CHD6: variants seen among roughly 807,000 people sequenced by gnomAD.
CHD6 encodes ATP-dependent chromatin remodeler CHD6.
In CHD6, 50 loss-of-function variants were observed where a neutral mutation model predicts 276.9. The observed-to-expected ratio is 0.18, with a 90% CI of 0.14 to 0.23. CHD6 has a LOEUF of 0.23. CHD6 is among the 10% of genes least tolerant of loss of function. The pLI is 1.00. For missense variants in CHD6, 2,564 were observed against 3,365.8 expected (o/e 0.76, Z 5.89); for synonymous variants, 1,173 against 1,229.3 (o/e 0.95, Z 0.96).
intron 25 of CHD6, among the ~76,000 whole-genome samples, chr20:41,442,171 G>A (rs1370289584): frequency 6.6e-6 from 1 of 152,106 alleles, no homozygotes; most frequent in Non-Finnish European, 1.5e-5. Context: ...CAGGCATGGT[G>A]GCTCATGCCT....
At chr20:41,526,613 G>C (rs367975161) in intron 3 of CHD6, among the ~76,000 whole-genome samples, 7 of 115,940 alleles carry the variant, frequency 6.0e-5, no homozygotes, top group African/African-American at 3.1e-4. Context: ...ACAGATGAAA[G>C]CGAAAAAAGG....
intron 31 of CHD6, among the ~76,000 whole-genome samples, chr20:41,417,862 A>G (rs1318558901): frequency 6.6e-6 from 1 of 152,260 alleles, no homozygotes; most frequent in African/African-American, 2.4e-5. Flanking sequence ...AGAACATTTC[A>G]ATTACTTCAC....
chr20:41,468,786 G>A (rs1288865569), intron 17 of CHD6, among the ~76,000 whole-genome samples: 9 of 152,106 alleles, frequency 5.9e-5, no homozygotes, highest in African/African-American at 1.9e-4. Flanking sequence ...AGGCTGAGGT[G>A]GGTGGATCAC....
rs775566264 is a variant in CHD6 at position 41,421,705 on chromosome 20, T to C, written c.4930A>G (p.Thr1644Ala). Residue 1644 changes from threonine (T) to alanine (A), a missense_variant, in exon 31 of 37, where the codon ACA becomes GCA. Physicochemically the swap from Thr to Ala is moderately conservative, Grantham distance 58. This residue lies in a region of CHD6 where 1,024 missense variants were observed against 1,047.9 expected (regional missense o/e 0.98). Transcript: ENST00000373233. ...QTNSKLYESLTYSQMSRTSES... is the reference protein window; with the variant it reads ...QTNSKLYESLAYSQMSRTSES... ...GAAGTCCTACTCATTTGAGAATATG[T>C]AAGAGATTCATATAACTTGGAGTTG... is the stretch of plus-strand genomic sequence containing the variant. The C allele has an allele frequency of 2.5e-6, 4 of 1,614,078 alleles. No individual in the cohort carries two copies. The South Asian group carries it at 4.4e-5, about 18-fold the overall frequency.
intron 3 of CHD6, among the ~76,000 whole-genome samples, chr20:41,528,949 T>C (rs957352569): frequency 6.6e-6 from 1 of 152,182 alleles, no homozygotes; most frequent in African/African-American, 2.4e-5. Context: ...TGAAATTCTA[T>C]AGAAGAGGGA....
rs147479235 is a variant in CHD6 at position 41,442,321 on chromosome 20, G to A, written c.3878-2192C>T. On this transcript the variant is annotated intron_variant, in intron 25 of 36. Transcript: ENST00000373233. The stretch of plus-strand genomic sequence containing the variant: ...AAAAAAATTAGCCAGGCATGGTGGT[G>A]TGCACCTGTAGCCCCAGCTACTTGG... Among the ~76,000 whole-genome samples, 438 of 152,186 alleles carry A rather than the reference G, an allele frequency of 2.9e-3. 2 individuals carry two copies. Among genetic ancestry groups the A allele is most frequent in the Middle Eastern group, 0.024 (7 of 294 alleles).
At chr20:41,454,500 G>T in intron 20 of CHD6, 126 bp downstream of exon 20, 1 of 670,140 alleles carries the variant, frequency 1.5e-6, no homozygotes, top group Non-Finnish European at 2.5e-6. Context: ...CATATTTTAA[G>T]CATGGTACAA....
At chr20:41,532,796 T>C (rs779224618) in intron 3 of CHD6, among the ~76,000 whole-genome samples, 2 of 152,142 alleles carry the variant, frequency 1.3e-5, no homozygotes, top group Non-Finnish European at 2.9e-5. Flanking sequence ...CTTGGGAGTA[T>C]CCTAAAAACA....
intron 17 of CHD6, among the ~76,000 whole-genome samples, chr20:41,472,256 A>G (rs1038050839): frequency 6.6e-6 from 1 of 151,790 alleles, no homozygotes; most frequent in Non-Finnish European, 1.5e-5. Flanking sequence ...AAAAAAAAAA[A>G]AGAAAGGAAT....
At chr20:41,492,778 A>G (rs1199263678) in intron 10 of CHD6, among the ~76,000 whole-genome samples, 1 of 152,226 alleles carries the variant, frequency 6.6e-6, no homozygotes, top group Non-Finnish European at 1.5e-5. Context: ...AAAATTAGCC[A>G]GGCGTGGTGG....
chr20:41,483,326 A>T lies in CHD6; in HGVS notation c.2451T>A (p.Asp817Glu), dbSNP rs779485415. Reference sequence around the variant, plus strand: ...AGTCTCACCTTCTCTGGATGAGGTAATCTTCTAGGATGTCGAGGCAGCGCA... The same window carrying T: ...AGTCTCACCTTCTCTGGATGAGGTATTCTTCTAGGATGTCGAGGCAGCGCA... ...QMVRCLDILE[D>E]YLIQRRYTYE... Residue 817 changes from aspartate (D) to glutamate (E), a missense_variant, in exon 16 of 37, where the codon GAT (aspartate) becomes GAA (glutamate). By Grantham distance (45) the Asp-to-Glu change is conservative. Transcript: ENST00000373233. The T allele has an allele frequency of 6.2e-7, 1 of 1,613,002 alleles. No individual in the cohort carries two copies. Among genetic ancestry groups the T allele is most frequent in the South Asian group, 1.1e-5 (1 of 90,930 alleles).
At chr20:41,470,977 A>G (rs2043039324) in intron 17 of CHD6, among the ~76,000 whole-genome samples, 1 of 152,246 alleles carries the variant, frequency 6.6e-6, no homozygotes, top group African/African-American at 2.4e-5. Flanking sequence ...CTGTGCCACT[A>G]TTCTTCCAGC....
At position 41,501,682 on chromosome 20, in the gene CHD6, T is replaced by C. The variant is rs530219318; in HGVS notation, c.853-2325A>G. On this transcript the variant is annotated intron_variant, in intron 5 of 36. Transcript: ENST00000373233. ...TATAACTAGGAGAAGAAATACTGGGTTATGGGGTAGGTAGATGTCTAATTT... is the reference window on the plus strand; with the variant it reads ...TATAACTAGGAGAAGAAATACTGGGCTATGGGGTAGGTAGATGTCTAATTT... 8.8e-4 allele frequency among the ~76,000 whole-genome samples: 134 copies of C among 152,216 alleles called. 1 individual carries two copies. The highest frequency in any genetic ancestry group is 1.6e-3 in the Non-Finnish European group (109 of 68,006).
intron 27 of CHD6, among the ~76,000 whole-genome samples, chr20:41,432,406 G>GAA (rs1228103299): frequency 6.6e-6 from 1 of 152,124 alleles, no homozygotes. Flanking sequence ...GCTGGTATCA[G>GAA]AAAAAGCTAA....
At chr20:41,544,406 C>T (rs1006346331) in intron 2 of CHD6, among the ~76,000 whole-genome samples, 24 of 152,092 alleles carry the variant, frequency 1.6e-4, no homozygotes, top group African/African-American at 5.6e-4. Context: ...AGACAGGAGA[C>T]GAGGCAATTC....
intron 16 of CHD6, among the ~76,000 whole-genome samples, chr20:41,479,635 C>A (rs1028896506): frequency 6.6e-6 from 1 of 152,092 alleles, no homozygotes; most frequent in Non-Finnish European, 1.5e-5. Flanking sequence ...TAAAAAAATT[C>A]TATCCTGATA....
intron 1 of CHD6, among the ~76,000 whole-genome samples, chr20:41,601,970 G>A (rs1399890341): frequency 6.6e-6 from 1 of 152,124 alleles, no homozygotes; most frequent in East Asian, 1.9e-4. Context: ...TTGCACAGCT[G>A]ATTACCCTCA....
At chr20:41,459,245 T>C (rs1400505308) in intron 17 of CHD6, 2 of 152,178 alleles carry the variant, frequency 1.3e-5, no homozygotes, top group African/African-American at 2.4e-5. Flanking sequence ...TACTTAGTAC[T>C]AAAGCGGCCC....
chr20:41,549,129 C>A (rs1369272099), intron 2 of CHD6, among the ~76,000 whole-genome samples: 6 of 151,574 alleles, frequency 4.0e-5, no homozygotes, highest in East Asian at 3.9e-4. Context: ...TTGACCCAGC[C>A]ATCCCATTAC....
Sources: allele counts gnomAD v4.1 joint callset (sites outside exome capture counted in the v4.1 genomes callset), GRCh38; gene constraint gnomAD v4.1.1; regional missense constraint gnomAD v4.1.1; transcripts MANE v1.5; gene names NCBI Gene and HGNC (gene_info 2026-07-23, HGNC 2026-07-21).